Variants in NKAIN2 observed in about 807,000 individuals in gnomAD.
NKAIN2 encodes the protein sodium/potassium-transporting ATPase subunit beta-1-interacting protein 2.
NKAIN2 carries 14 observed loss-of-function variants against 32.6 expected under a neutral mutation model. That is an observed-to-expected ratio of 0.43 (90% CI 0.28 to 0.67). NKAIN2 has a LOEUF of 0.67. Ranked by LOEUF, NKAIN2 falls within the 30% of genes least tolerant of loss-of-function variation. The pLI, the probability that NKAIN2 is intolerant of heterozygous loss-of-function variation, is 0.17. For missense variants in NKAIN2, 198 were observed against 258.3 expected, an observed-to-expected ratio of 0.77 and a Z score of 1.60; for synonymous variants, 80 against 87.2, an observed-to-expected ratio of 0.92 and a Z score of 0.46.
intron 4 of NKAIN2, among the ~76,000 whole-genome samples, chr6:124,770,218 G>A (rs545785413): frequency 3.0e-4 from 46 of 152,166 alleles, no homozygotes; most frequent in Non-Finnish European, 5.4e-4. Flanking sequence ...AAATCTTGCA[G>A]TATGTTATTG....
intron 2 of NKAIN2, among the ~76,000 whole-genome samples, chr6:124,288,941 T>G (rs1795682099): frequency 1.3e-5 from 2 of 150,884 alleles, no homozygotes; most frequent in African/African-American, 4.9e-5. Flanking sequence ...TAAAATCAAA[T>G]GAAGGAGAAA....
At chr6:123,820,146 A>G (rs141218928) in intron 1 of NKAIN2, among the ~76,000 whole-genome samples, 232 of 152,316 alleles carry the variant, frequency 1.5e-3, no homozygotes, top group East Asian at 0.013. Flanking sequence ...AAACAATCCA[A>G]TCAACATCTG....
Position 124,316,996 on chromosome 6 carries a change from C to G in NKAIN2, c.192+33854C>G, listed in dbSNP as rs141386370. ...CCTTCAGTCCATTAGGAGTGGGACT[C>G]TAATTGAAACAAATTTAAGAAAGCC... On this transcript the variant is annotated intron_variant, in intron 2 of 6. Coordinates refer to ENST00000368417, the MANE Select transcript of NKAIN2 (RefSeq NM_001040214.3). Among the ~76,000 whole-genome samples the G allele has an allele frequency of 1.6e-4, 25 of 152,100 alleles. No individual in the cohort carries two copies. The East Asian group carries it at 4.6e-3, about 28-fold the overall frequency.
At chr6:124,473,821 A>G (rs1427688779) in intron 3 of NKAIN2, among the ~76,000 whole-genome samples, 1 of 152,170 alleles carries the variant, frequency 6.6e-6, no homozygotes, top group African/African-American at 2.4e-5. Context: ...CTGGTTTCAC[A>G]TCAGTTCAGT....
intron 3 of NKAIN2, among the ~76,000 whole-genome samples, chr6:124,487,836 A>T (rs1777713052): frequency 6.6e-6 from 1 of 152,064 alleles, no homozygotes; most frequent in South Asian, 2.1e-4. Flanking sequence ...GGAAATTAAG[A>T]CTGCTGACAT....
At chr6:124,312,494 C>T (rs761560011) in intron 2 of NKAIN2, among the ~76,000 whole-genome samples, 1 of 152,148 alleles carries the variant, frequency 6.6e-6, no homozygotes. Context: ...CAGGGAAATA[C>T]TTACATTTAC....
intron 1 of NKAIN2, among the ~76,000 whole-genome samples, chr6:124,141,149 T>C (rs1787116799): frequency 6.6e-6 from 1 of 152,146 alleles, no homozygotes; most frequent in Admixed American, 6.5e-5. Context: ...CGTTCAAAGA[T>C]AGTGGAAGCA....
chr6:124,443,032 A>C (rs1414242279), intron 3 of NKAIN2, among the ~76,000 whole-genome samples: 1 of 152,088 alleles, frequency 6.6e-6, no homozygotes, highest in African/African-American at 2.4e-5. Flanking sequence ...TATGCTCAGA[A>C]GATTGTGTAG....
At chr6:123,930,486 T>C (rs1025417718) in intron 1 of NKAIN2, among the ~76,000 whole-genome samples, 27 of 152,300 alleles carry the variant, frequency 1.8e-4, no homozygotes, top group African/African-American at 6.0e-4. Context: ...ATCTAGAATA[T>C]AAGTTAAAGG....
chr6:124,729,614 C>G (rs1434566285), intron 4 of NKAIN2, among the ~76,000 whole-genome samples: 1 of 151,606 alleles, frequency 6.6e-6, no homozygotes, highest in Non-Finnish European at 1.5e-5. Context: ...ACTGAATGGG[C>G]AGAAACTGGA....
chr6:124,533,273 C>T (rs1426364440), intron 3 of NKAIN2, among the ~76,000 whole-genome samples: 2 of 151,894 alleles, frequency 1.3e-5, no homozygotes, highest in East Asian at 1.9e-4. Context: ...AGATCGAGAC[C>T]ATCCTGACTA....
chr6:124,229,483 GA>G, intron 1 of NKAIN2, among the ~76,000 whole-genome samples: 1 of 138,954 alleles, frequency 7.2e-6, no homozygotes, highest in African/African-American at 2.7e-5. Context: ...TATTTTCAAA[GA>G]TAGATAGATA....
intron 3 of NKAIN2, among the ~76,000 whole-genome samples, chr6:124,549,315 C>T (rs889659509): frequency 3.3e-5 from 5 of 152,114 alleles, no homozygotes; most frequent in African/African-American, 9.7e-5. Flanking sequence ...TTGCAGTGAG[C>T]GGAGACTGTA....
At chr6:123,899,190 T>C (rs1221142509) in intron 1 of NKAIN2, among the ~76,000 whole-genome samples, 4 of 152,374 alleles carry the variant, frequency 2.6e-5, no homozygotes, top group Non-Finnish European at 5.9e-5. Flanking sequence ...TTGGCCAAGA[T>C]CCATGACTAC....
At chr6:124,111,962 A>G (rs1292293090) in intron 1 of NKAIN2, among the ~76,000 whole-genome samples, 1 of 152,094 alleles carries the variant, frequency 6.6e-6, no homozygotes, top group Non-Finnish European at 1.5e-5. Flanking sequence ...TCCTCCCCAG[A>G]ACATACTTTA....
At chr6:124,030,057 CAAACA>C (rs1402902580) in intron 1 of NKAIN2, among the ~76,000 whole-genome samples, 2 of 150,966 alleles carry the variant, frequency 1.3e-5, no homozygotes, top group Non-Finnish European at 1.5e-5. Flanking sequence ...AACAAACAAA[CAAACA>C]AAACAAAAAC....
In NKAIN2 at chr6:124,358,561, C is replaced by G. The variant is rs552369849; in HGVS notation, c.273+3214C>G. ...GCATTTTTTCATGTGTCTTTTGGCT[C>G]CATAAATGTCTTCTTTTGAGAAGTG... On this transcript the variant is annotated intron_variant, in intron 3 of 6. Transcript: ENST00000368417. 9.3e-4 allele frequency among the ~76,000 whole-genome samples: 142 copies of G among 152,228 alleles called. 1 individual carries two copies. The highest frequency in any genetic ancestry group is 4.5e-3 in the Admixed American group (69 of 15,278).
At chr6:123,849,482 T>C (rs2114953296) in intron 1 of NKAIN2, among the ~76,000 whole-genome samples, 1 of 152,238 alleles carries the variant, frequency 6.6e-6, no homozygotes, top group South Asian at 2.1e-4. Flanking sequence ...GAGTCCCACT[T>C]AGGAAGCCAG....
At chr6:124,783,130 G>C (rs572918160) in intron 4 of NKAIN2, among the ~76,000 whole-genome samples, 1 of 152,184 alleles carries the variant, frequency 6.6e-6, no homozygotes, top group South Asian at 2.1e-4. Context: ...CCCTGAGAGA[G>C]GTATTAACCA....
Sources: gnomAD v4.1 joint callset for allele counts (sites outside exome capture counted in the v4.1 genomes callset) on GRCh38, gnomAD v4.1.1 for gene constraint, MANE v1.5 for transcripts, NCBI Gene and HGNC (gene_info 2026-07-23, HGNC 2026-07-21) for gene names.